The following PWP1 variants were observed in gnomAD, a reference collection of about 807,000 sequenced individuals.
PWP1 encodes the protein PWP1 homolog, endonuclein.
In PWP1, 47 loss-of-function variants were observed where a neutral mutation model predicts 69.9. The observed-to-expected ratio is 0.67, with a 90% CI of 0.53 to 0.86. The LOEUF (loss-of-function observed/expected upper bound fraction) is 0.86, where lower values mean the gene tolerates loss of function less well. Among genes scored for constraint, PWP1 ranks in the 40% least tolerant of loss-of-function variants. PWP1 has a pLI of 0.00. For missense variants in PWP1, 551 were observed against 608.8 expected (o/e 0.91, Z 1.00); for synonymous variants, 222 against 208.2 (o/e 1.07, Z -0.57).
intron 1 of PWP1, 106 bp downstream of exon 1, chr12:107,686,077 G>A: frequency 2.4e-6 from 3 of 1,260,726 alleles, no homozygotes; most frequent in Non-Finnish European, 3.4e-6. Context: ...TGGCTGGTGC[G>A]ACTGGCTGGG....
intron 11 of PWP1, among the ~76,000 whole-genome samples, chr12:107,706,976 C>T (rs7398802): frequency 0.63 from 95,678 of 151,680 alleles, 30,575 homozygotes; most frequent in East Asian, 0.71. Context: ...ATTGAATCTA[C>T]AAATTACCTT....
intron 3 of PWP1, among the ~76,000 whole-genome samples, chr12:107,691,906 G>T (rs920745417): frequency 4.4e-4 from 67 of 152,162 alleles, no homozygotes; most frequent in African/African-American, 1.5e-3. Flanking sequence ...GCACACAGCT[G>T]GTGAAAGACG....
At chr12:107,686,024 G>T (rs1220319295) in intron 1 of PWP1, 53 bp downstream of exon 1, 4 of 1,586,592 alleles carry the variant, frequency 2.5e-6, no homozygotes, top group African/African-American at 1.3e-5. Flanking sequence ...CGGCACTGGG[G>T]GTCCGCCCAG....
intron 7 of PWP1, among the ~76,000 whole-genome samples, chr12:107,698,458 T>C (rs952455987): frequency 3.9e-5 from 6 of 151,908 alleles, no homozygotes; most frequent in Admixed American, 3.9e-4. Flanking sequence ...CCCAGGAGGT[T>C]GAGGTTGCAG....
At chr12:107,697,703 G>A (rs1326043628) in intron 7 of PWP1, 106 bp downstream of exon 7, 1 of 1,101,156 alleles carries the variant, frequency 9.1e-7, no homozygotes, top group Non-Finnish European at 1.4e-6. Flanking sequence ...TATTCTTGGT[G>A]AGATGGGGTA....
At chr12:107,690,291 G>A (rs1417369435) in intron 3 of PWP1, among the ~76,000 whole-genome samples, 1 of 152,168 alleles carries the variant, frequency 6.6e-6, no homozygotes, top group African/African-American at 2.4e-5. Flanking sequence ...GAGGCAGCAG[G>A]ATCGCTCAAG....
At chr12:107,696,921 G>C (rs1456672596) in intron 6 of PWP1, among the ~76,000 whole-genome samples, 1 of 152,176 alleles carries the variant, frequency 6.6e-6, no homozygotes, top group African/African-American at 2.4e-5. Context: ...GAGTTCAGTG[G>C]CATAACCTGT....
Position 107,704,603 on chromosome 12 carries a change from C to G in PWP1, c.966-33C>G, listed in dbSNP as rs758022367. ...ATAAAACATATAGGAGAATTGAACT[C>G]TTAAAACCCTAACTTTGCCTGAATG... On this transcript the variant is annotated intron_variant, in intron 10 of 14. Transcript: ENST00000412830. 2.6e-6 allele frequency: 4 copies of G among 1,524,402 alleles called. No individual in the cohort carries two copies. In the African/African-American group the frequency reaches 5.5e-5, roughly 21 times the overall value. The allele number at this position is 1,524,402 out of a possible 1,614,324, so 94.4% of individuals were successfully genotyped here.
At chr12:107,687,614 G>C (rs1426856122) in intron 1 of PWP1, among the ~76,000 whole-genome samples, 2 of 152,262 alleles carry the variant, frequency 1.3e-5, no homozygotes, top group South Asian at 4.1e-4. Context: ...GAGAGAAATT[G>C]GACAAGCCAG....
chr12:107,711,655 A>AAT (rs368685405), intron 14 of PWP1, among the ~76,000 whole-genome samples: 16 of 152,218 alleles, frequency 1.1e-4, no homozygotes, highest in African/African-American at 2.9e-4. Flanking sequence ...ACACAGAGAT[A>AAT]ATATATATAT....
intron 8 of PWP1, 57 bp downstream of exon 8, chr12:107,699,491 C>G: frequency 7.4e-7 from 1 of 1,345,482 alleles, no homozygotes; most frequent in South Asian, 1.2e-5. Context: ...GTGATCTTAC[C>G]TCATGCCTAC....
chr12:107,696,182 A>G (rs770389011), intron 5 of PWP1, among the ~76,000 whole-genome samples: 1 of 151,790 alleles, frequency 6.6e-6, no homozygotes, highest in Non-Finnish European at 1.5e-5. Context: ...ACAGGCACGT[A>G]CCACCACACC....
At chr12:107,703,576 GA>G (rs1188274186) in intron 9 of PWP1, 108 bp from the exon 10 acceptor site, 1 of 914,288 alleles carries the variant, frequency 1.1e-6, no homozygotes, top group Non-Finnish European at 1.8e-6. Flanking sequence ...CTGTATTTCA[GA>G]GGGACGCATT....
chr12:107,693,572 A>G (rs546708206), intron 5 of PWP1, among the ~76,000 whole-genome samples: 1 of 152,244 alleles, frequency 6.6e-6, no homozygotes, highest in East Asian at 1.9e-4. Flanking sequence ...AAAATTATAT[A>G]TAAAAATACA....
rs1291492225 is a variant in PWP1 at position 107,710,276 on chromosome 12, G to C, written c.1291-129G>C. ...TCTGAGCTACCTTTGCAGTAGGCTT[G>C]AAAGTGAGAATCATAAGTTGGTTTT... On this transcript the variant is annotated intron_variant, in intron 13 of 14. Coordinates refer to ENST00000412830, the MANE Select transcript of PWP1 (RefSeq NM_007062.3). The C allele has an allele frequency of 2.8e-6, 4 of 1,416,190 alleles. No individual in the cohort carries two copies. The South Asian group carries it at 5.9e-5, about 21-fold the overall frequency. 87.7% of individuals were successfully genotyped at this position (1,416,190 alleles called of 1,614,324 possible).
At chr12:107,710,538 TC>T in intron 14 of PWP1, 28 bp downstream of exon 14, 2 of 765,774 alleles carry the variant, frequency 2.6e-6, no homozygotes, top group Non-Finnish European at 3.6e-6. Context: ...TCTGCACACC[TC>T]CCCCTGCCCC....
chr12:107,688,863 T>G, intron 3 of PWP1, 61 bp downstream of exon 3: 1 of 1,499,270 alleles, frequency 6.7e-7, no homozygotes, highest in African/African-American at 1.4e-5. Context: ...ATCATGTTTG[T>G]GGTGTTCCAA....
intron 3 of PWP1, among the ~76,000 whole-genome samples, chr12:107,689,797 A>G (rs1018174228): frequency 1.9e-4 from 29 of 152,182 alleles, no homozygotes; most frequent in African/African-American, 7.0e-4. Context: ...AACAGAAGAC[A>G]GATTAGAAGT....
At chr12:107,710,552 T>TAAAAAAAAA in intron 14 of PWP1, 42 bp downstream of exon 14, 4 of 1,157,180 alleles carry the variant, frequency 3.5e-6, no homozygotes, top group Admixed American at 3.7e-5. Flanking sequence ...CCTGCCCCTG[T>TAAAAAAAAA]AAAAAAAAAA....
Sources: allele counts gnomAD v4.1 joint callset (sites outside exome capture counted in the v4.1 genomes callset), GRCh38; gene constraint gnomAD v4.1.1; transcripts MANE v1.5; gene names NCBI Gene and HGNC (gene_info 2026-07-23, HGNC 2026-07-21).